SLC35F1: variants seen among roughly 807,000 people sequenced by gnomAD.
SLC35F1 encodes solute carrier family 35 member F1, also known as chromosome 6 open reading frame 169.
Under a neutral mutation model 48.7 loss-of-function variants are expected in SLC35F1, and 14 were observed. The observed-to-expected ratio is 0.29, with a 90% CI of 0.19 to 0.45. The LOEUF (loss-of-function observed/expected upper bound fraction) is 0.45. Among genes scored for constraint, SLC35F1 ranks in the 20% least tolerant of loss-of-function variants. The pLI, the probability that SLC35F1 is intolerant of heterozygous loss-of-function variation, is 1.00. For synonymous variants in SLC35F1, 190 were observed against 202.2 expected (o/e 0.94, Z 0.51); for missense variants, 404 against 500.0 (o/e 0.81, Z 1.83).
At chr6:118,206,012 G>A (rs1216722630) in intron 2 of SLC35F1, among the ~76,000 whole-genome samples, 1 of 152,078 alleles carries the variant, frequency 6.6e-6, no homozygotes, top group African/African-American at 2.4e-5. Context: ...TTTTTTATGG[G>A]GTACAGTGTT....
At chr6:118,133,381 G>C (rs1055877079) in intron 1 of SLC35F1, among the ~76,000 whole-genome samples, 1 of 152,014 alleles carries the variant, frequency 6.6e-6, no homozygotes, top group African/African-American at 2.4e-5. Context: ...CTATTTTTAG[G>C]TTCTGGAAAA....
Position 118,142,684 on chromosome 6 carries a change from G to A in SLC35F1, c.174-11761G>A, listed in dbSNP as rs183942098. Among the ~76,000 whole-genome samples, 73 of 151,974 alleles carry A rather than the reference G, an allele frequency of 4.8e-4. 1 individual carries two copies. Among genetic ancestry groups the A allele is most frequent in the Admixed American group, 1.1e-3 (17 of 15,270 alleles). On this transcript the variant is annotated intron_variant, in intron 1 of 7. Transcript: ENST00000360388. ...TTTCATTCTTATAGAAGACCTTTTC[G>A]TCTAGAATAAATTTTATCTAGCCCA... is the stretch of plus-strand genomic sequence containing the variant.
intron 2 of SLC35F1, among the ~76,000 whole-genome samples, chr6:118,169,187 A>T (rs28560104): frequency 6.6e-6 from 1 of 152,234 alleles, no homozygotes; most frequent in African/African-American, 2.4e-5. Context: ...AAAGTATCAC[A>T]GGTAAATATT....
chr6:118,231,650 GTT>G (rs760154487), intron 2 of SLC35F1, among the ~76,000 whole-genome samples: 13 of 152,204 alleles, frequency 8.5e-5, no homozygotes, highest in Non-Finnish European at 1.3e-4. Context: ...TATTTAGGGT[GTT>G]TTGCACTGCA....
chr6:118,141,745 T>C (rs115018003), intron 1 of SLC35F1, among the ~76,000 whole-genome samples: 1 of 152,078 alleles, frequency 6.6e-6, no homozygotes, highest in Non-Finnish European at 1.5e-5. Flanking sequence ...TTTCAACATA[T>C]GAATGTTGGG....
At chr6:118,067,372 A>G (rs907804936) in intron 1 of SLC35F1, among the ~76,000 whole-genome samples, 2 of 152,196 alleles carry the variant, frequency 1.3e-5, no homozygotes, top group African/African-American at 4.8e-5. Context: ...AGAGTCATCA[A>G]GGTTTAGGTT....
intron 1 of SLC35F1, among the ~76,000 whole-genome samples, chr6:118,089,888 A>T (rs949387855): frequency 2.0e-5 from 3 of 152,202 alleles, no homozygotes; most frequent in African/African-American, 7.2e-5. Flanking sequence ...GAAACAAAAC[A>T]CAATGCCTTA....
At chr6:118,161,081 A>G (rs940198238) in intron 2 of SLC35F1, among the ~76,000 whole-genome samples, 2 of 138,644 alleles carry the variant, frequency 1.4e-5, no homozygotes, top group African/African-American at 4.9e-5. Flanking sequence ...AAATACTTAC[A>G]TAATTAGAAG....
intron 1 of SLC35F1, among the ~76,000 whole-genome samples, chr6:118,101,576 C>T (rs1442786692): frequency 6.6e-6 from 1 of 152,110 alleles, no homozygotes; most frequent in African/African-American, 2.4e-5. Context: ...CAAGGGACTT[C>T]TAAAATGAAA....
At chr6:118,169,678 A>G (rs1343112821) in intron 2 of SLC35F1, among the ~76,000 whole-genome samples, 1 of 152,128 alleles carries the variant, frequency 6.6e-6, no homozygotes, top group East Asian at 1.9e-4. Flanking sequence ...CTTCATCCCA[A>G]TAATCCCTCT....
chr6:118,233,240 C>T (rs545041303), intron 2 of SLC35F1, among the ~76,000 whole-genome samples: 3 of 152,252 alleles, frequency 2.0e-5, no homozygotes, highest in African/African-American at 7.2e-5. Context: ...GCTGGGATTA[C>T]AGGCGTGAGC....
chr6:118,277,277 C>A (rs771630312), intron 5 of SLC35F1, among the ~76,000 whole-genome samples: 3 of 152,196 alleles, frequency 2.0e-5, no homozygotes, highest in Non-Finnish European at 4.4e-5. Flanking sequence ...CGCCCCAGGG[C>A]CCCGTGGCAC....
chr6:118,196,747 A>G (rs1774805943), intron 2 of SLC35F1, among the ~76,000 whole-genome samples: 1 of 152,258 alleles, frequency 6.6e-6, no homozygotes, highest in African/African-American at 2.4e-5. Flanking sequence ...AAATAAATAA[A>G]TAAATAAATC....
intron 1 of SLC35F1, among the ~76,000 whole-genome samples, chr6:118,118,538 G>C (rs930391407): frequency 6.6e-6 from 1 of 152,020 alleles, no homozygotes; most frequent in Admixed American, 6.6e-5. Flanking sequence ...GTTTTAATTT[G>C]CATTTATCTG....
At chr6:118,115,388 T>C (rs2114391124) in intron 1 of SLC35F1, among the ~76,000 whole-genome samples, 1 of 152,198 alleles carries the variant, frequency 6.6e-6, no homozygotes, top group Middle Eastern at 3.4e-3. Flanking sequence ...AAAGGTGAGG[T>C]GATGGAGGAA....
intron 1 of SLC35F1, among the ~76,000 whole-genome samples, chr6:118,052,409 A>G (rs1214321035): frequency 6.6e-6 from 1 of 152,202 alleles, no homozygotes; most frequent in Non-Finnish European, 1.5e-5. Context: ...TCATTTTCTG[A>G]TGTATAAATA....
At chr6:118,056,288 CAT>C (rs1402102647) in intron 1 of SLC35F1, among the ~76,000 whole-genome samples, 2 of 151,916 alleles carry the variant, frequency 1.3e-5, no homozygotes, top group African/African-American at 4.8e-5. Flanking sequence ...TTGTTTATTT[CAT>C]ATCTTTTCAA....
chr6:118,047,679 G>A (rs1018432447), intron 1 of SLC35F1, among the ~76,000 whole-genome samples: 3 of 151,920 alleles, frequency 2.0e-5, no homozygotes, highest in African/African-American at 7.3e-5. Context: ...CTTAACTTTG[G>A]ATAACTCTAG....
intron 1 of SLC35F1, among the ~76,000 whole-genome samples, chr6:118,120,648 T>C (rs1467396060): frequency 6.6e-6 from 1 of 152,144 alleles, no homozygotes; most frequent in Non-Finnish European, 1.5e-5. Context: ...GAACAAGGGC[T>C]CAAACCACAA....
Sources: gnomAD v4.1 joint callset for allele counts (sites outside exome capture counted in the v4.1 genomes callset) on GRCh38, gnomAD v4.1.1 for gene constraint, MANE v1.5 for transcripts, NCBI Gene and HGNC (gene_info 2026-07-23, HGNC 2026-07-21) for gene names.